The following ZNF143 variants were observed in gnomAD, a reference collection of about 807,000 sequenced individuals.
The protein encoded by ZNF143 is SPH-binding factor.
Under a neutral mutation model 74.1 loss-of-function variants are expected in ZNF143, and 49 were observed. The ratio of observed to expected loss-of-function variants is 0.66; its 90% CI spans 0.53 to 0.84. The LOEUF is 0.84. Among genes scored for constraint, ZNF143 ranks in the 40% least tolerant of loss-of-function variants. The pLI, the probability that ZNF143 is intolerant of heterozygous loss-of-function variation, is 0.00. For missense variants in ZNF143, 637 were observed against 793.4 expected (o/e 0.80, Z 2.37); for synonymous variants, 304 against 282.8 (o/e 1.07, Z -0.75).
chr11:9,512,692 C>T, intron 13 of ZNF143, 96 bp downstream of exon 13: 3 of 1,502,546 alleles, frequency 2.0e-6, no homozygotes, highest in Non-Finnish European at 1.8e-6. Flanking sequence ...TTTGAAATAT[C>T]AGGGCACAAA....
chr11:9,518,743 G>T (rs975487683), intron 14 of ZNF143, among the ~76,000 whole-genome samples: 1 of 151,652 alleles, frequency 6.6e-6, no homozygotes, highest in Non-Finnish European at 1.5e-5. Flanking sequence ...AAAGCTTCTG[G>T]TTATTTTCAT....
chr11:9,481,461 T>G (rs1225420272), intron 7 of ZNF143, among the ~76,000 whole-genome samples: 1 of 152,124 alleles, frequency 6.6e-6, no homozygotes, highest in Non-Finnish European at 1.5e-5. Flanking sequence ...CAACCTCTAC[T>G]AAGATGCAAA....
chr11:9,478,157 A>G (rs1847091867), intron 5 of ZNF143, among the ~76,000 whole-genome samples: 1 of 152,200 alleles, frequency 6.6e-6, no homozygotes, highest in Non-Finnish European at 1.5e-5. Context: ...CTGATTGCTA[A>G]GGAAAGTGAT....
intron 5 of ZNF143, among the ~76,000 whole-genome samples, chr11:9,478,156 A>G (rs543524161): frequency 1.3e-5 from 2 of 152,280 alleles, no homozygotes; most frequent in African/African-American, 4.8e-5. Flanking sequence ...TCTGATTGCT[A>G]AGGAAAGTGA....
At chr11:9,501,587 G>A (rs1276985964) in intron 11 of ZNF143, among the ~76,000 whole-genome samples, 1 of 152,218 alleles carries the variant, frequency 6.6e-6, no homozygotes, top group Admixed American at 6.5e-5. Context: ...TGTGGGAGCA[G>A]AGAGGGGAGC....
intron 7 of ZNF143, among the ~76,000 whole-genome samples, chr11:9,486,414 T>TATGTATA (rs1847522305): frequency 4.2e-5 from 1 of 24,040 alleles, no homozygotes; most frequent in African/African-American, 1.7e-4. Context: ...ATATATATAA[T>TATGTATA]ATATATTATA....
chr11:9,491,556 A>C (rs1413794524), intron 7 of ZNF143, among the ~76,000 whole-genome samples: 2 of 151,876 alleles, frequency 1.3e-5, no homozygotes, highest in South Asian at 4.1e-4. Flanking sequence ...GGAGAATGGC[A>C]TGAACTTGGG....
chr11:9,483,045 G>A (rs2133948004), intron 7 of ZNF143, among the ~76,000 whole-genome samples: 1 of 151,062 alleles, frequency 6.6e-6, no homozygotes, highest in Non-Finnish European at 1.5e-5. Context: ...CCAGGGTGGA[G>A]TGCAGTGATG....
rs1276277324 is a variant in ZNF143 at position 9,480,978 on chromosome 11, A to G, written c.645+1432A>G. Among the ~76,000 whole-genome samples, 4 of 152,320 alleles carry G rather than the reference A, an allele frequency of 2.6e-5. No individual in the cohort carries two copies. The East Asian group carries it at 5.8e-4, about 22-fold the overall frequency. On this transcript the variant is annotated intron_variant, in intron 7 of 15. Coordinates refer to ENST00000396602, the MANE Select transcript of ZNF143 (RefSeq NM_003442.6). ...TCTGTTTACCAGCTGAAGTGATGCT[A>G]CAAAGTGGCAATAGAATAAACACAG...
At chr11:9,478,257 A>T in intron 5 of ZNF143, 133 bp from the exon 6 acceptor site, 1 of 804,110 alleles carries the variant, frequency 1.2e-6, no homozygotes, top group Non-Finnish European at 1.9e-6. Context: ...TAAATGAAAT[A>T]ACACATATCA....
intron 7 of ZNF143, among the ~76,000 whole-genome samples, chr11:9,487,002 T>C (rs1847583417): frequency 7.1e-6 from 1 of 141,172 alleles, no homozygotes; most frequent in Non-Finnish European, 1.5e-5. Context: ...GTTTCACTCT[T>C]GTCACCCAGG....
intron 2 of ZNF143, 102 bp from the exon 3 acceptor site, chr11:9,472,575 G>T: frequency 9.8e-7 from 1 of 1,022,632 alleles, no homozygotes; most frequent in Non-Finnish European, 1.5e-6. Context: ...TTGAGTCTGA[G>T]TTAAGCAGTT....
chr11:9,477,246 CCCTT>C (rs1856985989), intron 5 of ZNF143, among the ~76,000 whole-genome samples: 1 of 144,654 alleles, frequency 6.9e-6, no homozygotes, highest in Admixed American at 7.0e-5. Flanking sequence ...TCCCTTCCTT[CCCTT>C]CCTTCCTTTT....
At chr11:9,468,807 A>G (rs182458992) in intron 1 of ZNF143, among the ~76,000 whole-genome samples, 21 of 152,236 alleles carry the variant, frequency 1.4e-4, no homozygotes, top group African/African-American at 4.3e-4. Flanking sequence ...ACTGCAGTCC[A>G]GCCTGGGTGA....
intron 9 of ZNF143, among the ~76,000 whole-genome samples, chr11:9,497,352 C>T (rs1249745237): frequency 1.3e-5 from 2 of 152,138 alleles, no homozygotes; most frequent in African/African-American, 4.8e-5. Flanking sequence ...GTCTCAGCCT[C>T]CTGAGTAGCT....
intron 14 of ZNF143, among the ~76,000 whole-genome samples, chr11:9,521,871 A>T (rs1434232820): frequency 6.6e-6 from 1 of 151,696 alleles, no homozygotes; most frequent in Non-Finnish European, 1.5e-5. Flanking sequence ...TTCAAGACCA[A>T]CCCAGGGCAA....
chr11:9,526,320 C>T (rs544735505), intron 15 of ZNF143, among the ~76,000 whole-genome samples: 50 of 151,922 alleles, frequency 3.3e-4, no homozygotes, highest in African/African-American at 1.1e-3. Flanking sequence ...CACCACTGTA[C>T]TCCAGCCTGG....
At chr11:9,479,077 ATT>A (rs35778859) in intron 6 of ZNF143, among the ~76,000 whole-genome samples, 1 of 150,884 alleles carries the variant, frequency 6.6e-6, no homozygotes, top group East Asian at 1.9e-4. Context: ...AAAAGAGCTG[ATT>A]TTTTTTTTCC....
chr11:9,482,910 C>G (rs977773857), intron 7 of ZNF143, among the ~76,000 whole-genome samples: 1 of 151,304 alleles, frequency 6.6e-6, no homozygotes, highest in Non-Finnish European at 1.5e-5. Context: ...TTGTGTTAAA[C>G]AAAATAATTA....
Sources: gnomAD v4.1 joint callset for allele counts (sites outside exome capture counted in the v4.1 genomes callset) on GRCh38, gnomAD v4.1.1 for gene constraint, MANE v1.5 for transcripts, NCBI Gene and HGNC (gene_info 2026-07-23, HGNC 2026-07-21) for gene names.